Variants in SRGAP2C observed in about 807,000 individuals in gnomAD.
The protein encoded by SRGAP2C is SLIT-ROBO Rho GTPase activating protein 2C, also known as SLIT-ROBO Rho GTPase-activating protein 2C.
SRGAP2C carries 15 observed loss-of-function variants against 25.1 expected under a neutral mutation model. The observed-to-expected ratio is 0.60, with a 90% CI of 0.40 to 0.92. The LOEUF is 0.92. Ranked by LOEUF, SRGAP2C falls within the 40% of genes least tolerant of loss-of-function variation. SRGAP2C has a pLI of 0.00. For missense variants in SRGAP2C, 144 were observed against 264.4 expected (o/e 0.54, Z 3.16); for synonymous variants, 44 against 96.6 (o/e 0.46, Z 3.19).
intron 4 of SRGAP2C, among the ~76,000 whole-genome samples, chr1:121,359,677 A>G (rs1659142986): frequency 6.6e-6 from 1 of 152,224 alleles, no homozygotes; most frequent in Admixed American, 6.5e-5. Flanking sequence ...CTGAGGGAAG[A>G]GGATCACGTG....
At chr1:121,306,559 GCCCTTGAGGGATAGGCTTCT>G (rs1270590225) in intron 3 of SRGAP2C, among the ~76,000 whole-genome samples, 1 of 143,570 alleles carries the variant, frequency 7.0e-6, no homozygotes, top group Non-Finnish European at 1.5e-5. Flanking sequence ...TTCAAGAGAA[GCCCTTGAGGGATAGGCTTCT>G]AGAAGTTCAG....
At chr1:121,188,024 A>C (rs1317082738) in intron 2 of SRGAP2C, among the ~76,000 whole-genome samples, 1 of 152,150 alleles carries the variant, frequency 6.6e-6, no homozygotes, top group Non-Finnish European at 1.5e-5. Context: ...TGGCATTGGC[A>C]CCAAAAGTCC....
In SRGAP2C at chr1:121,378,284, A is replaced by G. The variant is rs587615264; in HGVS notation, c.831+3330A>G. On this transcript the variant is annotated intron_variant, in intron 7 of 9. Coordinates refer to ENST00000367123, the MANE Select transcript of SRGAP2C (RefSeq NM_001329984.2). ...TGTTACAGTTTCAAGAGTTTTGACA[A>G]ATTTGTACATCTTTGTAATCTATGT... is the stretch of plus-strand genomic sequence containing the variant. 3.0e-5 allele frequency among the ~76,000 whole-genome samples: 3 copies of G among 99,090 alleles called. No homozygotes were observed. The South Asian group carries it at 8.3e-4, about 27-fold the overall frequency. The allele number at this position is 99,090 out of a possible 152,430, so 65.0% of individuals were successfully genotyped here. A position where few individuals can be genotyped will look rare whatever the true frequency, so the allele number is the denominator to read the frequency against.
intron 4 of SRGAP2C, among the ~76,000 whole-genome samples, chr1:121,335,691 G>T: frequency 6.6e-6 from 1 of 150,524 alleles, no homozygotes; most frequent in Admixed American, 6.6e-5. Flanking sequence ...GGGCTCAAAT[G>T]ATCCTTCCCC....
chr1:121,337,625 C>A (rs1658545778), intron 4 of SRGAP2C, among the ~76,000 whole-genome samples: 5 of 140,982 alleles, frequency 3.5e-5, no homozygotes, highest in Admixed American at 3.0e-4. Context: ...GAGCAAAACT[C>A]CGACTCAAAA....
chr1:121,235,009 TTC>T (rs1553328215), intron 2 of SRGAP2C, among the ~76,000 whole-genome samples: 1 of 150,146 alleles, frequency 6.7e-6, no homozygotes, highest in East Asian at 2.0e-4. Context: ...CTCTCTTTCT[TTC>T]TCTTTTCTTT....
intron 5 of SRGAP2C, among the ~76,000 whole-genome samples, chr1:121,367,012 G>C (rs587603090): frequency 6.9e-6 from 1 of 144,168 alleles, no homozygotes; most frequent in Non-Finnish European, 1.5e-5. Flanking sequence ...TATTTCTCTG[G>C]TCTGCAGAGG....
rs1338775407 is a variant in SRGAP2C, at chr1:121,372,879, G to GTA, written c.487-1092_487-1091insTA. On this transcript the variant is annotated intron_variant, in intron 5 of 9. Coordinates refer to ENST00000367123, the MANE Select transcript of SRGAP2C (RefSeq NM_001329984.2). ...GCACTCCTGTGTTACACACACACAT[G>GTA]CACACACACACACACACACACACAC... Among the ~76,000 whole-genome samples, 2 of 63,200 alleles carry GTA rather than the reference G, an allele frequency of 3.2e-5. 1 individual carries two copies. The highest frequency in any genetic ancestry group is 6.8e-5 in the Non-Finnish European group (2 of 29,558). 41.5% of individuals were successfully genotyped at this position (63,200 alleles called of 152,430 possible).
chr1:121,320,846 A>G (rs1166579030), intron 3 of SRGAP2C, among the ~76,000 whole-genome samples: 2 of 152,044 alleles, frequency 1.3e-5, no homozygotes, highest in Non-Finnish European at 2.9e-5. Context: ...GCAACAACTG[A>G]TGATGAGATG....
chr1:121,360,646 CCAAA>C (rs1207565960), intron 4 of SRGAP2C: 3 of 35,124 alleles, frequency 8.5e-5, no homozygotes, highest in African/African-American at 2.4e-4. Context: ...GGCCCTGCTA[CCAAA>C]CAGTCATTCC....
chr1:121,335,936 A>G (rs1553342448), intron 4 of SRGAP2C, among the ~76,000 whole-genome samples: 5 of 151,968 alleles, frequency 3.3e-5, no homozygotes, highest in Non-Finnish European at 7.4e-5. Flanking sequence ...GTTTTATTCT[A>G]GGAGGCTATT....
At chr1:121,338,533 AG>A (rs1658571135) in intron 4 of SRGAP2C, among the ~76,000 whole-genome samples, 1 of 132,486 alleles carries the variant, frequency 7.5e-6, no homozygotes, top group Admixed American at 7.9e-5. Context: ...TTTTAAGCCC[AG>A]CCCTTGGGGT....
At chr1:121,335,555 G>A (rs1658497259) in intron 4 of SRGAP2C, among the ~76,000 whole-genome samples, 1 of 139,008 alleles carries the variant, frequency 7.2e-6, no homozygotes, top group African/African-American at 2.7e-5. Context: ...TCAGACTCCT[G>A]GGCTCAAGTG....
intron 3 of SRGAP2C, among the ~76,000 whole-genome samples, chr1:121,312,581 T>C (rs1657990477): frequency 8.5e-6 from 1 of 116,988 alleles, no homozygotes; most frequent in Non-Finnish European, 1.8e-5. Flanking sequence ...AATTTCCCTC[T>C]ACACACTGCT....
At chr1:121,366,285 C>T (rs1418280838) in intron 5 of SRGAP2C, among the ~76,000 whole-genome samples, 2 of 146,050 alleles carry the variant, frequency 1.4e-5, no homozygotes, top group East Asian at 2.0e-4. Flanking sequence ...TCTTTTCTTC[C>T]TTTGTTTTTT....
intron 3 of SRGAP2C, among the ~76,000 whole-genome samples, chr1:121,313,905 T>C (rs1658023830): frequency 7.2e-6 from 1 of 139,564 alleles, no homozygotes; most frequent in Admixed American, 7.4e-5. Flanking sequence ...TTATGTGTCT[T>C]CGAGTTGCTC....
chr1:121,284,074 A>T (rs1378767907), intron 2 of SRGAP2C, among the ~76,000 whole-genome samples: 2 of 151,946 alleles, frequency 1.3e-5, no homozygotes, highest in Non-Finnish European at 2.9e-5. Context: ...TAGTGAAAAA[A>T]ACTCTTTCCA....
At chr1:121,235,022 CTTTCT>C in intron 2 of SRGAP2C, among the ~76,000 whole-genome samples, 1 of 147,710 alleles carries the variant, frequency 6.8e-6, no homozygotes, top group African/African-American at 2.6e-5. Context: ...TCTTTTCTTT[CTTTCT>C]TTTTTTTTTT....
intron 4 of SRGAP2C, among the ~76,000 whole-genome samples, chr1:121,338,513 C>G (rs1198776434): frequency 8.0e-6 from 1 of 124,958 alleles, no homozygotes; most frequent in African/African-American, 3.0e-5. Context: ...TAGATCCTAC[C>G]TTTCTTTGCT....
Sources: gnomAD v4.1 joint callset for allele counts (sites outside exome capture counted in the v4.1 genomes callset) on GRCh38, gnomAD v4.1.1 for gene constraint, MANE v1.5 for transcripts, NCBI Gene and HGNC (gene_info 2026-07-23, HGNC 2026-07-21) for gene names.